TENM3: variants seen among roughly 807,000 people sequenced by gnomAD.
TENM3 encodes the protein teneurin-3.
TENM3 carries 63 observed loss-of-function variants against 255.1 expected under a neutral mutation model. The observed-to-expected ratio is 0.25, with a 90% confidence interval of 0.20 to 0.30. The LOEUF is 0.30. Ranked by LOEUF, TENM3 falls within the 10% of genes least tolerant of loss-of-function variation. The probability of loss-of-function intolerance (pLI) is 1.00; values close to 1 mark genes in which losing one functional copy is unlikely to be tolerated. For synonymous variants in TENM3, 1,306 were observed against 1,322.3 expected (o/e 0.99, Z 0.27); for missense variants, 2,929 against 3,461.1 (o/e 0.85, Z 3.86).
chr4:182,532,716 G>T (rs1739902713), intron 3 of TENM3, among the ~76,000 whole-genome samples: 1 of 152,058 alleles, frequency 6.6e-6, no homozygotes, highest in South Asian at 2.1e-4. Flanking sequence ...TGCACCAACA[G>T]GCTGAACACT....
chr4:182,656,583 C>A (rs1753772945), intron 6 of TENM3, among the ~76,000 whole-genome samples: 1 of 152,122 alleles, frequency 6.6e-6, no homozygotes, highest in African/African-American at 2.4e-5. Context: ...AGAAGCAGAT[C>A]ACATCATCTC....
chr4:182,398,121 G>A (rs944035843), intron 3 of TENM3, among the ~76,000 whole-genome samples: 3 of 152,194 alleles, frequency 2.0e-5, no homozygotes, highest in Non-Finnish European at 4.4e-5. Context: ...TGTCTCAGGA[G>A]CAGGGCAGAA....
At chr4:181,923,068 G>C in the TENM3 span, among the ~76,000 whole-genome samples, 1 of 152,098 alleles carries the variant, frequency 6.6e-6, no homozygotes, top group Non-Finnish European at 1.5e-5. Flanking sequence ...TTAATCCTGA[G>C]TTCTAGTTTG....
At chr4:182,318,712 C>T (rs568208119) in intron 1 of TENM3, among the ~76,000 whole-genome samples, 173 of 152,278 alleles carry the variant, frequency 1.1e-3, no homozygotes, top group Non-Finnish European at 1.9e-3. Flanking sequence ...TGAAAATTAA[C>T]CAACTCAGCT....
the TENM3 span, among the ~76,000 whole-genome samples, chr4:181,824,432 C>G: frequency 2.0e-5 from 3 of 152,130 alleles, no homozygotes; most frequent in Admixed American, 6.6e-5. Context: ...TAGAAGTATG[C>G]TGGTCCAATA....
chr4:182,595,252 T>C (rs1304726376), intron 3 of TENM3, among the ~76,000 whole-genome samples: 62 of 152,264 alleles, frequency 4.1e-4, no homozygotes. Flanking sequence ...GTTTTTCTTC[T>C]TCTCCATGCA....
the TENM3 span, among the ~76,000 whole-genome samples, chr4:181,718,092 A>G: frequency 2.6e-5 from 4 of 152,212 alleles, no homozygotes; most frequent in Admixed American, 6.5e-5. Context: ...AAAAGGAAAT[A>G]ATCATAAATG....
the TENM3 span, among the ~76,000 whole-genome samples, chr4:181,857,792 T>A: frequency 2.0e-5 from 3 of 150,960 alleles, no homozygotes; most frequent in African/African-American, 7.3e-5. Context: ...GAGACTGGAT[T>A]TTTATGCAGG....
At chr4:182,234,631 C>A (rs1756783016) in intron 1 of TENM3, among the ~76,000 whole-genome samples, 1 of 152,008 alleles carries the variant, frequency 6.6e-6, no homozygotes, top group Admixed American at 6.6e-5. Context: ...ACTCGGGAGG[C>A]TGAGGCAGGA....
intron 23 of TENM3, among the ~76,000 whole-genome samples, chr4:182,774,294 C>G (rs1336272021): frequency 1.3e-5 from 2 of 152,126 alleles, no homozygotes; most frequent in Non-Finnish European, 2.9e-5. Context: ...ATGAAGTAAT[C>G]TCTAACCATC....
intron 1 of TENM3, among the ~76,000 whole-genome samples, chr4:182,205,503 C>T (rs960057250): frequency 6.6e-6 from 1 of 152,184 alleles, no homozygotes; most frequent in African/African-American, 2.4e-5. Flanking sequence ...TAACGTATTT[C>T]CTCAGGGCCC....
intron 6 of TENM3, among the ~76,000 whole-genome samples, chr4:182,655,516 A>C (rs1581227398): frequency 6.6e-6 from 1 of 152,100 alleles, no homozygotes; most frequent in Non-Finnish European, 1.5e-5. Context: ...GCCAGGGAAT[A>C]CCTCTGCTCA....
the TENM3 span, among the ~76,000 whole-genome samples, chr4:182,038,138 T>A: frequency 3.9e-5 from 6 of 152,222 alleles, no homozygotes; most frequent in African/African-American, 1.4e-4. Flanking sequence ...CAAGATAGTC[T>A]ATGCTAACTG....
At chr4:181,988,957 C>T in the TENM3 span, among the ~76,000 whole-genome samples, 1 of 151,984 alleles carries the variant, frequency 6.6e-6, no homozygotes, top group African/African-American at 2.4e-5. Context: ...TGCCCCACGA[C>T]CCCACTTAGC....
the TENM3 span, among the ~76,000 whole-genome samples, chr4:181,637,137 T>C: frequency 6.6e-6 from 1 of 152,234 alleles, no homozygotes; most frequent in Admixed American, 6.5e-5. Flanking sequence ...CACTACAAGA[T>C]TGCGAAGCCC....
chr4:182,621,941 C>T (rs1750316399), intron 4 of TENM3, among the ~76,000 whole-genome samples: 1 of 148,458 alleles, frequency 6.7e-6, no homozygotes, highest in African/African-American at 2.5e-5. Flanking sequence ...CACCACTGTG[C>T]ACCAGCCTGA....
At chr4:182,541,797 G>T (rs1740906218) in intron 3 of TENM3, among the ~76,000 whole-genome samples, 1 of 152,116 alleles carries the variant, frequency 6.6e-6, no homozygotes, top group African/African-American at 2.4e-5. Flanking sequence ...AGTGGCTCAT[G>T]GCTGTAATCC....
the TENM3 span, among the ~76,000 whole-genome samples, chr4:181,590,674 A>G: frequency 2.0e-5 from 3 of 152,220 alleles, no homozygotes; most frequent in African/African-American, 7.2e-5. Flanking sequence ...TGCCTTCCCA[A>G]CAGATGAGAA....
the TENM3 span, chr4:181,975,201 A>C: frequency 2.7e-5 from 4 of 146,500 alleles, no homozygotes; most frequent in African/African-American, 1.0e-4. Flanking sequence ...GCAGTGGCAC[A>C]ATCTTAGCTC....
Sources: gnomAD v4.1 joint callset for allele counts (sites outside exome capture counted in the v4.1 genomes callset) on GRCh38, gnomAD v4.1.1 for gene constraint, MANE v1.5 for transcripts, NCBI Gene and HGNC (gene_info 2026-07-23, HGNC 2026-07-21) for gene names.